FOXN3: variants seen among roughly 807,000 people sequenced by gnomAD.
The protein encoded by FOXN3 is forkhead box N3.
A neutral mutation model predicts 38.4 loss-of-function variants in FOXN3; 7 were observed. That is an observed-to-expected ratio of 0.18 (90% CI 0.10 to 0.34). The LOEUF (loss-of-function observed/expected upper bound fraction) is 0.34, where lower values mean the gene tolerates loss of function less well. Ranked by LOEUF, FOXN3 falls within the 10% of genes least tolerant of loss-of-function variation. The pLI is 1.00. For missense variants in FOXN3, 456 were observed against 613.4 expected, an observed-to-expected ratio of 0.74 and a Z score of 2.71; for synonymous variants, 230 against 242.2, an observed-to-expected ratio of 0.95 and a Z score of 0.47.
In FOXN3 at chr14:89,412,139, C is replaced by T. The variant is rs1463432082; in HGVS notation, c.338G>A (p.Cys113Tyr). Residue 113 changes from cysteine to tyrosine, a missense_variant, in exon 2 of 6, where the codon TGC becomes TAC. By Grantham distance (194) the Cys-to-Tyr change is radical. Coordinates refer to ENST00000557258, the MANE Select transcript of FOXN3 (RefSeq NM_005197.4). This position sits in a 1 kb window ranked among gnomAD's most constrained non-coding sequence, Gnocchi z 4.7. ...GCAGCTGAAGGAGTAGGGGGGTTTG[C>T]AGTTGGGGTTCTGCCTGGCATCGTA... ...MPYDARQNPN[C>Y]KPPYSFSCLI... The T allele has an allele frequency of 3.1e-6, 5 of 1,609,748 alleles. No individual in the cohort carries two copies. Among genetic ancestry groups the T allele is most frequent in the Admixed American group, 1.7e-5 (1 of 59,652 alleles).
At chr14:89,379,804 G>C (rs1258259229) in intron 2 of FOXN3, among the ~76,000 whole-genome samples, 4 of 152,002 alleles carry the variant, frequency 2.6e-5, no homozygotes, top group African/African-American at 9.7e-5. Context: ...GGGATTATAG[G>C]TGCCCACCAC....
At chr14:89,486,866 C>T (rs564292344) in intron 1 of FOXN3, among the ~76,000 whole-genome samples, 1 of 152,308 alleles carries the variant, frequency 6.6e-6, no homozygotes, top group Non-Finnish European at 1.5e-5. Context: ...GTTTTTGAAA[C>T]TGTCTCATGG....
intron 1 of FOXN3, among the ~76,000 whole-genome samples, chr14:89,458,778 C>A (rs1301322775): frequency 6.6e-6 from 1 of 152,086 alleles, no homozygotes; most frequent in African/African-American, 2.4e-5. Context: ...AATCAAGACC[C>A]CCTCTAGGTC....
chr14:89,286,885 T>C (rs1188420990), intron 3 of FOXN3, among the ~76,000 whole-genome samples: 1 of 152,116 alleles, frequency 6.6e-6, no homozygotes, highest in Non-Finnish European at 1.5e-5. Context: ...GGGACACTCT[T>C]GACACTTTTC....
intron 4 of FOXN3, among the ~76,000 whole-genome samples, chr14:89,265,388 T>C (rs977713494): frequency 1.3e-5 from 2 of 152,142 alleles, no homozygotes; most frequent in Admixed American, 1.3e-4. Context: ...CCCCTGGGGC[T>C]ACAAACAGCA....
At chr14:89,165,028 T>A (rs1488242732) in intron 5 of FOXN3, among the ~76,000 whole-genome samples, 1 of 151,954 alleles carries the variant, frequency 6.6e-6, no homozygotes, top group Admixed American at 6.6e-5. Context: ...TGTATGAGGG[T>A]CATTATCAAA....
Position 89,512,232 on chromosome 14 carries a change from T to C in FOXN3, c.-14-99742A>G, listed in dbSNP as rs78497552. Among the ~76,000 whole-genome samples the C allele has an allele frequency of 9.2e-3, 1,406 of 152,328 alleles. 20 individuals are homozygous for C. Among genetic ancestry groups the C allele is most frequent in the African/African-American group, 0.031 (1,309 of 41,560 alleles). On this transcript the variant is annotated intron_variant, in intron 1 of 6. Coordinates refer to the FOXN3 transcript ENST00000345097. ...GAACTGAAGGGGAAGAGACTTTTTC[T>C]CTAGGTTCTATGGCTGGGACCTGTG... is the stretch of plus-strand genomic sequence containing the variant.
chr14:89,511,194 C>CT lies in FOXN3; in HGVS notation c.-14-98705dup, dbSNP rs1371537128. Among the ~76,000 whole-genome samples, 101 of 12,638 alleles carry CT rather than the reference C, an allele frequency of 8.0e-3. 5 individuals are homozygous for CT. The highest frequency in any genetic ancestry group is 0.012 in the African/African-American group (87 of 7,030). 8.3% of individuals were successfully genotyped at this position (12,638 alleles called of 152,430 possible). A position where few individuals can be genotyped will look rare whatever the true frequency, so the allele number is the denominator to read the frequency against. On this transcript the variant is annotated intron_variant, in intron 1 of 6. Coordinates refer to the FOXN3 transcript ENST00000345097. ...CTTTCTTTCTTTCTTTCTTTCTTTT[C>CT]TTTCTTTCTTTTCTTTCTTTCTTTC...
intron 1 of FOXN3, among the ~76,000 whole-genome samples, chr14:89,611,608 C>T (rs561010030): frequency 3.0e-4 from 46 of 152,148 alleles, no homozygotes; most frequent in Non-Finnish European, 4.3e-4. Flanking sequence ...AGATCGAGAC[C>T]ATCCTGGTTA....
At chr14:89,362,734 T>A (rs61984666) in intron 2 of FOXN3, among the ~76,000 whole-genome samples, 1 of 6,108 alleles carries the variant, frequency 1.6e-4, no homozygotes, top group Non-Finnish European at 3.7e-4. Flanking sequence ...CACCACCACC[T>A]CCACCACCAT....
At chr14:89,458,749 G>C (rs1231649752) in intron 1 of FOXN3, among the ~76,000 whole-genome samples, 1 of 152,008 alleles carries the variant, frequency 6.6e-6, no homozygotes, top group Non-Finnish European at 1.5e-5. Context: ...GGTTCCATGT[G>C]AGCCTCAGCA....
At chr14:89,229,032 T>C (rs2139851461) in intron 4 of FOXN3, among the ~76,000 whole-genome samples, 1 of 152,242 alleles carries the variant, frequency 6.6e-6, no homozygotes, top group South Asian at 2.1e-4. Context: ...TGAGAGAGCC[T>C]TGCACAACAC....
chr14:89,446,188 TTTTTTTTC>T (rs1276949356), intron 1 of FOXN3, among the ~76,000 whole-genome samples: 15 of 77,106 alleles, frequency 1.9e-4, no homozygotes, highest in African/African-American at 6.4e-4. Context: ...TTTTTTTTTT[TTTTTTTTC>T]TTTTTTTTTT....
intron 3 of FOXN3, among the ~76,000 whole-genome samples, chr14:89,307,655 C>T (rs1887416324): frequency 6.6e-6 from 1 of 152,174 alleles, no homozygotes. Context: ...AGCTCGTTGG[C>T]AGCCTGCACC....
chr14:89,210,311 C>T (rs1206353325), intron 4 of FOXN3, among the ~76,000 whole-genome samples: 2 of 152,168 alleles, frequency 1.3e-5, no homozygotes, highest in Non-Finnish European at 2.9e-5. Context: ...TCTCACCCTC[C>T]TATGAAATGC....
At chr14:89,286,822 A>C (rs750906634) in intron 3 of FOXN3, among the ~76,000 whole-genome samples, 1 of 151,712 alleles carries the variant, frequency 6.6e-6, no homozygotes, top group African/African-American at 2.4e-5. Flanking sequence ...ACAAAATACC[A>C]CTCACCGTTT....
intron 1 of FOXN3, among the ~76,000 whole-genome samples, chr14:89,559,690 CA>C (rs1895206858): frequency 6.6e-6 from 1 of 151,976 alleles, no homozygotes; most frequent in Non-Finnish European, 1.5e-5. Flanking sequence ...AAAAATGTAG[CA>C]AATAAAATAA....
intron 1 of FOXN3, among the ~76,000 whole-genome samples, chr14:89,601,830 C>T (rs74999908): frequency 0.013 from 1,906 of 152,232 alleles, 24 homozygotes; most frequent in Non-Finnish European, 0.019. Context: ...GTCTTATCTC[C>T]CTACATCCAG....
intron 1 of FOXN3, among the ~76,000 whole-genome samples, chr14:89,539,608 T>G (rs950736573): frequency 4.6e-5 from 7 of 152,216 alleles, no homozygotes; most frequent in Non-Finnish European, 1.0e-4. Context: ...ACTTAAAAAT[T>G]GCTTCCACTT....
Sources: allele counts gnomAD v4.1 joint callset (sites outside exome capture counted in the v4.1 genomes callset), GRCh38; gene constraint gnomAD v4.1.1; non-coding constraint Gnocchi (gnomAD v3.1); transcripts MANE v1.5; gene names NCBI Gene and HGNC (gene_info 2026-07-23, HGNC 2026-07-21).